MPND: variants seen among roughly 807,000 people sequenced by gnomAD.
MPND encodes MPN domain containing, also known as MPN domain-containing protein.
MPND carries 56 observed loss-of-function variants against 59.2 expected under a neutral mutation model. The ratio of observed to expected loss-of-function variants is 0.95; its 90% CI spans 0.76 to 1.18. The LOEUF is 1.18. MPND is among the 50% of genes most tolerant of loss of function. The pLI is 0.00. For synonymous variants in MPND, 323 were observed against 291.9 expected, an observed-to-expected ratio of 1.11 and a Z score of -1.09; for missense variants, 671 against 676.0, an observed-to-expected ratio of 0.99 and a Z score of 0.08.
chr19:4,359,827 C>A, intron 12 of MPND, 89 bp from the exon 13 acceptor site: 3 of 1,063,356 alleles, frequency 2.8e-6, no homozygotes, highest in South Asian at 1.5e-5. Flanking sequence ...GGGGCTCAGT[C>A]AGGATGCTGG....
rs1275572090 is a variant in MPND, at chr19:4,357,430, G to GA, written c.1165+10dup. 1 of 1,611,484 alleles carries GA rather than the reference G, an allele frequency of 6.2e-7. No individual in the cohort carries two copies. The highest frequency in any genetic ancestry group is 8.5e-7 in the Non-Finnish European group (1 of 1,178,874). ...CCTCGCCCTGCTCTGCTGTACGCGG[G>GA]ATGGGGCTGTGGGGGGAGCAAGGAG... On this transcript the variant is annotated intron_variant, in intron 9 of 12. Transcript: ENST00000599840.
chr19:4,345,621 G>C (rs1972168648), intron 2 of MPND, 124 bp from the exon 3 acceptor site: 1 of 861,152 alleles, frequency 1.2e-6, no homozygotes. Context: ...CAGCCGGCCT[G>C]AGAGGTGTTC....
chr19:4,352,382 T>C (rs1972338595), intron 3 of MPND, among the ~76,000 whole-genome samples: 1 of 152,148 alleles, frequency 6.6e-6, no homozygotes, highest in African/African-American at 2.4e-5. Context: ...GCGCAGGGCT[T>C]GTATTATAAA....
At chr19:4,349,190 C>G (rs1222407758) in intron 3 of MPND, 1 of 152,350 alleles carries the variant, frequency 6.6e-6, no homozygotes, top group Non-Finnish European at 1.5e-5. Context: ...GCGTCAGCCT[C>G]CAGAGTAGCT....
In MPND at chr19:4,357,355, A is replaced by C; in HGVS notation, c.1099A>C (p.Met367Leu). Residue 367 changes from methionine (M) to leucine (L), a missense_variant, in exon 9 of 13, where the codon ATG becomes CTG. Coordinates refer to ENST00000599840, the MANE Select transcript of MPND (RefSeq NM_001300862.2). ...LPSLQDIDAQ[M>L]DYQLRLQGSS... ...ATCTCTGCAGGACATCGACGCACAG[A>C]TGGACTACCAGCTGCGGCTGCAGGG... 6.2e-7 allele frequency: 1 copy of C among 1,613,282 alleles called. No individual in the cohort carries two copies. Among genetic ancestry groups the C allele is most frequent in the Non-Finnish European group, 8.5e-7 (1 of 1,180,002 alleles).
chr19:4,350,087 G>T (rs116423832), intron 3 of MPND, among the ~76,000 whole-genome samples: 2 of 152,016 alleles, frequency 1.3e-5, no homozygotes, highest in Non-Finnish European at 2.9e-5. Context: ...AGGTGGTTGG[G>T]GGGGCTTCAC....
intron 3 of MPND, 103 bp downstream of exon 3, chr19:4,346,084 C>A: frequency 1.0e-6 from 1 of 974,130 alleles, no homozygotes; most frequent in Non-Finnish European, 1.5e-6. Flanking sequence ...GTAATATATA[C>A]AAACACGGAT....
chr19:4,354,414 C>G lies in MPND; in HGVS notation c.840C>G (p.Phe280Leu), dbSNP rs1266798911. ...FNVAVSSNVLFLLDFHSHLTR... is the reference protein window; with the variant it reads ...FNVAVSSNVLLLLDFHSHLTR... ...TGGCTGTTTCTAGCAACGTGCTGTTCCTGCTGGTGTGTGGCCCACCCTGTC... is the reference window on the plus strand; with the variant it reads ...TGGCTGTTTCTAGCAACGTGCTGTTGCTGCTGGTGTGTGGCCCACCCTGTC... Residue 280 changes from phenylalanine to leucine, a missense_variant, in exon 6 of 13, where the codon TTC becomes TTG. Physicochemically the swap from Phe to Leu is conservative, Grantham distance 22. Coordinates refer to ENST00000599840, the MANE Select transcript of MPND (RefSeq NM_001300862.2). The G allele has an allele frequency of 1.3e-6, 2 of 1,555,562 alleles. No homozygotes were observed. Among genetic ancestry groups the G allele is most frequent in the East Asian group, 2.4e-5 (1 of 41,578 alleles).
intron 3 of MPND, chr19:4,347,885 G>GT: frequency 4.8e-6 from 1 of 207,860 alleles, no homozygotes; most frequent in Non-Finnish European, 9.9e-6. Flanking sequence ...TCTCCATATT[G>GT]TGTTTTTTTT....
chr19:4,343,829 C>T lies in MPND; in HGVS notation c.129C>T (p.Gly43=). The T allele has an allele frequency of 1.7e-6, 2 of 1,194,050 alleles. No individual in the cohort carries two copies. Among genetic ancestry groups the T allele is most frequent in the Non-Finnish European group, 1.0e-6 (1 of 964,558 alleles). The allele number at this position is 1,194,050 out of a possible 1,614,324, so 74.0% of individuals were successfully genotyped here. A position where few individuals can be genotyped will look rare whatever the true frequency, so the allele number is the denominator to read the frequency against. The part of the protein sequence containing the change: ...PNAGAGGGRS[G]GGGSSVSGGG... ...CGGGAGCGGGCGGTGGACGCAGTGG[C>T]GGCGGCGGCAGTAGCGTCAGCGGAG... The change falls in exon 2 of 13, where the codon GGC becomes GGT. Residue 43 remains glycine, a synonymous_variant. Coordinates refer to ENST00000599840, the MANE Select transcript of MPND (RefSeq NM_001300862.2).
intron 8 of MPND, among the ~76,000 whole-genome samples, chr19:4,356,373 G>A (rs1015911191): frequency 3.9e-5 from 6 of 151,988 alleles, no homozygotes; most frequent in African/African-American, 1.2e-4. Flanking sequence ...GCAAGACCCC[G>A]TCTCTACAAA....
Position 4,357,284 on chromosome 19 carries a change from C to T in MPND, c.1028C>T (p.Ser343Phe). 1.2e-6 allele frequency: 2 copies of T among 1,611,372 alleles called. No individual in the cohort carries two copies. Among genetic ancestry groups the T allele is most frequent in the Non-Finnish European group, 1.7e-6 (2 of 1,178,890 alleles). The change falls in exon 9 of 13, where the codon TCC (serine) becomes TTC (phenylalanine). Residue 343 changes from serine (S) to phenylalanine (F), a missense_variant. Ser to Phe is a radical substitution (Grantham distance 155). Coordinates refer to ENST00000599840, the MANE Select transcript of MPND (RefSeq NM_001300862.2). ...CAGAGCCTGTTCCTGCGGGGCCTGT[C>T]CCTGGTGGGCTGGTACCACAGCCAC... ...IYQSLFLRGL[S>F]LVGWYHSHPH...
rs1278111846 is a variant in MPND, at chr19:4,343,697, G to T, written c.8-11G>T. 5 of 1,197,266 alleles carry T rather than the reference G, an allele frequency of 4.2e-6. No homozygotes were observed. Among genetic ancestry groups the T allele is most frequent in the East Asian group, 3.5e-5 (1 of 28,228 alleles). 74.2% of individuals were successfully genotyped at this position (1,197,266 alleles called of 1,614,324 possible). On this transcript the variant is annotated splice_polypyrimidine_tract_variant and intron_variant, in intron 1 of 12. Coordinates refer to ENST00000599840, the MANE Select transcript of MPND (RefSeq NM_001300862.2). ...GCGAGCGGCCTCCCTGCAGCCTCTC[G>T]CTGTCCGCAGCTCCGGAGCCGCTGT...
chr19:4,354,462 C>T (rs1359766903), intron 6 of MPND, 42 bp downstream of exon 6: 1 of 1,516,678 alleles, frequency 6.6e-7, no homozygotes, highest in Non-Finnish European at 9.0e-7. Context: ...GCTCCGGAGC[C>T]CAGTCGGTGG....
chr19:4,354,094 C>T lies in MPND; in HGVS notation c.714C>T (p.Val238=). ...KRVDSKIRVP[V]RYCMLGSRDL... ...TGGACAGCAAGATCCGGGTTCCGGT[C>T]CGCTACTGCATGCTGGGCAGCCGCG... The change falls in exon 5 of 13, where the codon GTC becomes GTT. Residue 238 remains valine (V), a synonymous_variant. Coordinates refer to ENST00000599840, the MANE Select transcript of MPND (RefSeq NM_001300862.2). The T allele has an allele frequency of 6.2e-7, 1 of 1,613,370 alleles. No homozygotes were observed. The highest frequency in any genetic ancestry group is 1.3e-5 in the African/African-American group (1 of 75,046).
At chr19:4,358,337 G>A in intron 11 of MPND, 165 bp downstream of exon 11, 1 of 617,604 alleles carries the variant, frequency 1.6e-6, no homozygotes, top group Non-Finnish European at 2.8e-6. Context: ...CCAGGCCCTT[G>A]CCAGGGTCCC....
chr19:4,344,891 C>T (rs1471839973), intron 2 of MPND, among the ~76,000 whole-genome samples: 1 of 150,626 alleles, frequency 6.6e-6, no homozygotes, highest in Admixed American at 6.6e-5. Context: ...TATGCGCCAC[C>T]ACGCCTGGCT....
chr19:4,356,042 C>T (rs544817490), intron 8 of MPND, among the ~76,000 whole-genome samples: 4 of 151,370 alleles, frequency 2.6e-5, no homozygotes, highest in African/African-American at 4.8e-5. Flanking sequence ...TTAGTTGAGA[C>T]AGGGTTTCAC....
At position 4,355,915 on chromosome 19, in the gene MPND, G is replaced by A. The variant is rs10412506; in HGVS notation, c.996+742G>A. On this transcript the variant is annotated intron_variant, in intron 8 of 12. Transcript: ENST00000599840. ...TGTCGCCCAGGATGGAGTGCAGGGC[G>A]CGATCTTGGCTCACTGCAACCTCCA... Among the ~76,000 whole-genome samples, 723 of 148,378 alleles carry A rather than the reference G, an allele frequency of 4.9e-3. 5 individuals are homozygous for A. The highest frequency in any genetic ancestry group is 0.017 in the African/African-American group (674 of 40,108).
Sources: allele counts gnomAD v4.1 joint callset (sites outside exome capture counted in the v4.1 genomes callset), GRCh38; gene constraint gnomAD v4.1.1; transcripts MANE v1.5; gene names NCBI Gene and HGNC (gene_info 2026-07-23, HGNC 2026-07-21).